Variants in EMILIN2 observed in about 807,000 individuals in gnomAD.
EMILIN2 encodes elastin microfibril interfacer 2, also known as EMILIN-2.
In EMILIN2, 71 loss-of-function variants were observed where a neutral mutation model predicts 87.1. The ratio of observed to expected loss-of-function variants is 0.82; its 90% CI spans 0.67 to 0.99. The LOEUF is 0.99. Ranked by LOEUF, EMILIN2 falls within the 50% of genes least tolerant of loss-of-function variation. EMILIN2 has a pLI of 0.00. For synonymous variants in EMILIN2, 581 were observed against 563.4 expected, an observed-to-expected ratio of 1.03 and a Z score of -0.44; for missense variants, 1,407 against 1,371.8, an observed-to-expected ratio of 1.03 and a Z score of -0.40.
intron 2 of EMILIN2, among the ~76,000 whole-genome samples, chr18:2,856,338 T>C (rs555943924): frequency 6.6e-6 from 1 of 152,378 alleles, no homozygotes; most frequent in East Asian, 1.9e-4. Flanking sequence ...AAGTCAGTGC[T>C]GAAGTAGCCT....
Position 2,907,094 on chromosome 18 carries a change from C to G in EMILIN2, c.2662+9C>G. ...CTTCGCGGGCGCACCAGGTGAGGCC[C>G]GGGGCTGCGCGGGGAGGAGCGCGGG... On this transcript the variant is annotated intron_variant, in intron 5 of 7. Transcript: ENST00000254528. 1 of 1,235,564 alleles carries G rather than the reference C, an allele frequency of 8.1e-7. No homozygotes were observed. The highest frequency in any genetic ancestry group is 1.0e-6 in the Non-Finnish European group (1 of 990,454). 76.5% of individuals were successfully genotyped at this position (1,235,564 alleles called of 1,614,324 possible). A position where few individuals can be genotyped will look rare whatever the true frequency, so the allele number is the denominator to read the frequency against.
intron 2 of EMILIN2, among the ~76,000 whole-genome samples, chr18:2,850,363 T>A (rs1249967952): frequency 6.6e-6 from 1 of 151,908 alleles, no homozygotes; most frequent in Non-Finnish European, 1.5e-5. Flanking sequence ...TCCAGAAGCC[T>A]GAGTCACCTG....
At chr18:2,873,438 T>C (rs929768129) in intron 2 of EMILIN2, among the ~76,000 whole-genome samples, 1 of 148,718 alleles carries the variant, frequency 6.7e-6, no homozygotes, top group South Asian at 2.1e-4. Flanking sequence ...CTGGGCGCGG[T>C]AGCTCACGCC....
chr18:2,890,837 C>A lies in EMILIN2; in HGVS notation c.710C>A (p.Thr237Asn), dbSNP rs745939565. The A allele has an allele frequency of 1.5e-5, 25 of 1,613,756 alleles. No homozygotes were observed. Among genetic ancestry groups the A allele is most frequent in the Non-Finnish European group, 2.5e-6 (3 of 1,180,000 alleles). Residue 237 changes from threonine (T) to asparagine (N), a missense_variant, in exon 4 of 8, where the codon ACC (threonine) becomes AAC (asparagine). Thr to Asn is a moderately conservative substitution (Grantham distance 65). Transcript: ENST00000254528. This position sits in a 1 kb window ranked among gnomAD's most constrained non-coding sequence, Gnocchi z 4.7. The part of the protein sequence containing the change: ...GLSSQHPKPD[T>N]TVSGDTETGQ... ...AGCAGCCAGCACCCCAAGCCTGACA[C>A]CACTGTTAGTGGAGACACAGAAACG...
At chr18:2,905,917 C>T (rs1334450408) in intron 4 of EMILIN2, among the ~76,000 whole-genome samples, 3 of 152,158 alleles carry the variant, frequency 2.0e-5, no homozygotes, top group Non-Finnish European at 2.9e-5. Flanking sequence ...AGCCACCGCG[C>T]CCGGCCCGCT....
At chr18:2,888,883 G>A (rs886901812) in intron 3 of EMILIN2, among the ~76,000 whole-genome samples, 3 of 151,986 alleles carry the variant, frequency 2.0e-5, no homozygotes, top group Non-Finnish European at 2.9e-5. Context: ...CTGCTATTAT[G>A]AGCTTGTGCA....
chr18:2,866,710 G>T (rs2076688223), intron 2 of EMILIN2, among the ~76,000 whole-genome samples: 1 of 152,122 alleles, frequency 6.6e-6, no homozygotes. Flanking sequence ...TGATTGCTCT[G>T]GCTAGGACTT....
At chr18:2,896,630 G>A (rs193100696) in intron 4 of EMILIN2, among the ~76,000 whole-genome samples, 102 of 151,766 alleles carry the variant, frequency 6.7e-4, no homozygotes, top group African/African-American at 2.1e-3. Context: ...ACGTGCCATC[G>A]CACCCAGCTA....
rs1269199480 is a variant in EMILIN2, at chr18:2,913,413, G to A, written c.*9G>A. 1 of 1,555,594 alleles carries A rather than the reference G, an allele frequency of 6.4e-7. No homozygotes were observed. Among genetic ancestry groups the A allele is most frequent in the Non-Finnish European group, 8.7e-7 (1 of 1,148,674 alleles). On this transcript the variant is annotated 3_prime_UTR_variant, in exon 8 of 8. Coordinates refer to ENST00000254528, the MANE Select transcript of EMILIN2 (RefSeq NM_032048.3). Reference sequence around the variant, plus strand: ...TCCTTTCCCACCTCTAAGGTGGCTGGGGAGATGTCAGGGGAAAGATAGATA... The same window carrying A: ...TCCTTTCCCACCTCTAAGGTGGCTGAGGAGATGTCAGGGGAAAGATAGATA...
chr18:2,861,446 C>A (rs1382323531), intron 2 of EMILIN2, among the ~76,000 whole-genome samples: 4 of 152,200 alleles, frequency 2.6e-5, no homozygotes, highest in African/African-American at 9.7e-5. Flanking sequence ...CAGCTTTCTC[C>A]ATATGGCTAG....
At chr18:2,909,616 C>CCT (rs2076931380) in intron 6 of EMILIN2, 75 bp from the exon 7 acceptor site, 1 of 1,565,722 alleles carries the variant, frequency 6.4e-7, no homozygotes, top group African/African-American at 1.4e-5. Context: ...GGCACGTAGG[C>CCT]CTCAGTTTTC....
At chr18:2,866,217 G>A (rs1028632588) in intron 2 of EMILIN2, among the ~76,000 whole-genome samples, 3 of 152,144 alleles carry the variant, frequency 2.0e-5, no homozygotes, top group Admixed American at 6.5e-5. Context: ...CCCACTGTCC[G>A]ACACTCCCCA....
At chr18:2,893,788 T>A (rs2076851103) in intron 4 of EMILIN2, among the ~76,000 whole-genome samples, 1 of 152,158 alleles carries the variant, frequency 6.6e-6, no homozygotes, top group Non-Finnish European at 1.5e-5. Flanking sequence ...AAGGCTGTTT[T>A]CCAACAGGGA....
chr18:2,864,074 T>C (rs960530550), intron 2 of EMILIN2, among the ~76,000 whole-genome samples: 2,597 of 152,322 alleles, frequency 0.017, 58 homozygotes, highest in African/African-American at 0.058. Context: ...ATTTGCTTGG[T>C]AGATCTTCCT....
At position 2,885,021 on chromosome 18, in the gene EMILIN2, G is replaced by A. The variant is rs1260315262; in HGVS notation, c.315G>A (p.Leu105=). The A allele has an allele frequency of 6.2e-7, 1 of 1,613,788 alleles. No homozygotes were observed. Among genetic ancestry groups the A allele is most frequent in the Non-Finnish European group, 8.5e-7 (1 of 1,179,878 alleles). ...CTAGGTATAAGACAGTGACACAGTT[G>A]GAATGGAGGTGCTGTCCTGGCTTTA... is the stretch of plus-strand genomic sequence containing the variant. ...YVTRYKTVTQ[L]EWRCCPGFRG... The change falls in exon 3 of 8, where the codon TTG becomes TTA. Residue 105 remains leucine, a synonymous_variant. Transcript: ENST00000254528.
At chr18:2,902,611 A>G (rs1458105603) in intron 4 of EMILIN2, among the ~76,000 whole-genome samples, 1 of 152,224 alleles carries the variant, frequency 6.6e-6, no homozygotes, top group Non-Finnish European at 1.5e-5. Context: ...ACCAGTGAGC[A>G]TACTGATGGC....
intron 5 of EMILIN2, 68 bp from the exon 6 acceptor site, chr18:2,908,874 AG>A (rs1210879428): frequency 7.0e-5 from 110 of 1,580,956 alleles, no homozygotes; most frequent in Non-Finnish European, 9.3e-5. Flanking sequence ...CAGAGGAAAA[AG>A]GGGGCTCAGA....
intron 2 of EMILIN2, among the ~76,000 whole-genome samples, chr18:2,855,985 C>T (rs746718238): frequency 3.9e-5 from 6 of 152,148 alleles, no homozygotes; most frequent in East Asian, 1.9e-4. Context: ...TTAATGCTTA[C>T]GGACACATTG....
rs769940366 is a variant in EMILIN2, at chr18:2,890,086, A to G, written c.434-475A>G. Among the ~76,000 whole-genome samples the G allele has an allele frequency of 2.0e-5, 3 of 152,150 alleles. No individual in the cohort carries two copies. The highest frequency in any genetic ancestry group is 4.8e-5 in the African/African-American group (2 of 41,434). On this transcript the variant is annotated intron_variant, in intron 3 of 7. Coordinates refer to ENST00000254528, the MANE Select transcript of EMILIN2 (RefSeq NM_032048.3). The surrounding 1 kb of genome is among the most constrained non-coding windows in gnomAD (Gnocchi z 4.7). ...CATATGATATCACCATCCAACAGCT[A>G]ATGGGTGGATCTTGCTAAAGTGGTT... is the stretch of plus-strand genomic sequence containing the variant.
Sources: gnomAD v4.1 joint callset for allele counts (sites outside exome capture counted in the v4.1 genomes callset) on GRCh38, gnomAD v4.1.1 for gene constraint, Gnocchi (gnomAD v3.1) non-coding constraint, MANE v1.5 for transcripts, NCBI Gene and HGNC (gene_info 2026-07-23, HGNC 2026-07-21) for gene names.